BRD10: variants seen among roughly 807,000 people sequenced by gnomAD.
BRD10 encodes the protein uncharacterized bromodomain-containing protein 10.
At chr9:5,924,923 A>G in the BRD10 span, 2 of 1,025,702 alleles carry the variant, frequency 1.9e-6, no homozygotes, top group Non-Finnish European at 2.7e-6. Context: ...TTAACATTTT[A>G]AACTACATAT....
At chr9:5,935,829 T>C in the BRD10 span, among the ~76,000 whole-genome samples, 1 of 152,210 alleles carries the variant, frequency 6.6e-6, no homozygotes, top group African/African-American at 2.4e-5. Flanking sequence ...CCACTTTAAG[T>C]GTTCCACTAC....
At chr9:5,906,885 G>C in the BRD10 span, 1 of 1,566,702 alleles carries the variant, frequency 6.4e-7, no homozygotes, top group South Asian at 1.2e-5. Flanking sequence ...TACATTTCAG[G>C]ATAAAAGTCT....
At chr9:5,940,440 A>G in the BRD10 span, among the ~76,000 whole-genome samples, 7,934 of 151,556 alleles carry the variant, frequency 0.052, 607 homozygotes, top group African/African-American at 0.16. Flanking sequence ...TGATCCGCCC[A>G]CCTTGGCCTC....
At chr9:5,973,418 G>T in the BRD10 span, among the ~76,000 whole-genome samples, 44 of 152,300 alleles carry the variant, frequency 2.9e-4, no homozygotes, top group African/African-American at 1.1e-3. Flanking sequence ...AGTGAGCTGA[G>T]ATCACACCAC....
the BRD10 span, among the ~76,000 whole-genome samples, chr9:5,898,646 T>C: frequency 4.6e-5 from 7 of 152,186 alleles, no homozygotes; most frequent in East Asian, 5.8e-4. Flanking sequence ...GGTTCCCTTA[T>C]AGCAAACAGG....
At chr9:5,895,734 G>A in the BRD10 span, among the ~76,000 whole-genome samples, 3 of 152,192 alleles carry the variant, frequency 2.0e-5, no homozygotes, top group African/African-American at 4.8e-5. Context: ...GCACCTTAAC[G>A]TGCATCTCAG....
the BRD10 span, chr9:6,008,369 G>T: frequency 2.1e-6 from 2 of 948,392 alleles, no homozygotes; most frequent in African/African-American, 1.8e-5. Flanking sequence ...GGTGAGGGGG[G>T]AGAAAGGGGA....
At chr9:5,881,144 C>G in the BRD10 span, among the ~76,000 whole-genome samples, 1 of 152,178 alleles carries the variant, frequency 6.6e-6, no homozygotes, top group Non-Finnish European at 1.5e-5. Context: ...CCCTGACACC[C>G]TTTTCAACTA....
chr9:5,951,992 G>C, the BRD10 span, among the ~76,000 whole-genome samples: 1 of 136,366 alleles, frequency 7.3e-6, no homozygotes, highest in Non-Finnish European at 1.6e-5. Context: ...TTGAGAACCA[G>C]GAAGAGACTT....
At chr9:5,917,841 G>C in the BRD10 span, among the ~76,000 whole-genome samples, 5 of 152,152 alleles carry the variant, frequency 3.3e-5, no homozygotes, top group African/African-American at 1.2e-4. Flanking sequence ...CAACAGAGAA[G>C]ACCCCGTCTC....
chr9:5,957,215 A>G, the BRD10 span, among the ~76,000 whole-genome samples: 1 of 152,148 alleles, frequency 6.6e-6, no homozygotes, highest in Admixed American at 6.5e-5. Flanking sequence ...CAGGTAGGTA[A>G]TAACTCTACT....
At chr9:5,882,195 TG>T in the BRD10 span, among the ~76,000 whole-genome samples, 1 of 152,130 alleles carries the variant, frequency 6.6e-6, no homozygotes, top group Non-Finnish European at 1.5e-5. Context: ...ATTTGCCAAA[TG>T]TTGTAGAGGG....
chr9:5,915,053 C>CT, the BRD10 span, among the ~76,000 whole-genome samples: 4 of 152,102 alleles, frequency 2.6e-5, no homozygotes, highest in African/African-American at 9.7e-5. Flanking sequence ...TAGTTTAGCA[C>CT]TAAATTAATA....
At chr9:5,961,549 C>A in the BRD10 span, among the ~76,000 whole-genome samples, 178 of 151,980 alleles carry the variant, frequency 1.2e-3, no homozygotes, top group African/African-American at 4.0e-3. Context: ...ACAAAGTTTT[C>A]AGAAACATTT....
At chr9:5,894,352 T>A in the BRD10 span, among the ~76,000 whole-genome samples, 1 of 152,102 alleles carries the variant, frequency 6.6e-6, no homozygotes, top group South Asian at 2.1e-4. This position sits in a 1 kb window ranked among gnomAD's most constrained non-coding sequence, Gnocchi z 4.0. Context: ...TAAACAGGCA[T>A]GGGACTGAGA....
the BRD10 span, among the ~76,000 whole-genome samples, chr9:5,995,736 T>G: frequency 6.6e-6 from 1 of 152,144 alleles, no homozygotes; most frequent in Non-Finnish European, 1.5e-5. Context: ...GAAAGAACAG[T>G]TTTAGATAGA....
chr9:6,002,372 A>G, the BRD10 span, among the ~76,000 whole-genome samples: 1 of 152,230 alleles, frequency 6.6e-6, no homozygotes, highest in African/African-American at 2.4e-5. Flanking sequence ...GTAACATTCC[A>G]TAGGTTCTGA....
At chr9:5,938,736 G>T in the BRD10 span, among the ~76,000 whole-genome samples, 7 of 152,120 alleles carry the variant, frequency 4.6e-5, no homozygotes, top group Non-Finnish European at 1.0e-4. Context: ...CTATTTAAAG[G>T]TAGATTGATT....
the BRD10 span, among the ~76,000 whole-genome samples, chr9:5,943,197 T>C: frequency 5.9e-5 from 9 of 152,276 alleles, no homozygotes; most frequent in Admixed American, 2.6e-4. Context: ...TTTTCTTTTA[T>C]TCTTCTTCTA....
Sources: allele counts gnomAD v4.1 joint callset (sites outside exome capture counted in the v4.1 genomes callset), GRCh38; gene constraint gnomAD v4.1.1; non-coding constraint Gnocchi (gnomAD v3.1); transcripts MANE v1.5; gene names NCBI Gene and HGNC (gene_info 2026-07-23, HGNC 2026-07-21).